Variants in OTOF observed in about 807,000 individuals in gnomAD.
OTOF encodes otoferlin.
OTOF carries 218 observed loss-of-function variants against 236.8 expected under a neutral mutation model. The ratio of observed to expected loss-of-function variants is 0.92; its 90% confidence interval spans 0.82 to 1.03. The LOEUF is 1.03. Ranked by LOEUF, OTOF falls within the 50% of genes least tolerant of loss-of-function variation. OTOF has a pLI of 0.00. For synonymous variants in OTOF, 1,041 were observed against 1,072.5 expected (o/e 0.97, Z 0.57); for missense variants, 2,590 against 2,694.4 (o/e 0.96, Z 0.86).
chr2:26,510,178 A>G (rs1013246129), intron 5 of OTOF, among the ~76,000 whole-genome samples: 1 of 152,096 alleles, frequency 6.6e-6, no homozygotes, highest in Non-Finnish European at 1.5e-5. Flanking sequence ...AGATGAAGAT[A>G]GAGAGGGCCG....
intron 2 of OTOF, among the ~76,000 whole-genome samples, chr2:26,535,458 C>A (rs1246473979): frequency 2.0e-5 from 3 of 152,118 alleles, no homozygotes; most frequent in Non-Finnish European, 4.4e-5. Context: ...CTGAGCATTG[C>A]AAGTCATTCT....
chr2:26,459,082 A>T (rs933269408), intron 46 of OTOF, among the ~76,000 whole-genome samples: 1 of 152,252 alleles, frequency 6.6e-6, no homozygotes, highest in East Asian at 1.9e-4. Context: ...TGTTCAGGCC[A>T]TGGTGGCTAT....
At position 26,467,426 on chromosome 2, in the gene OTOF, G is replaced by C; in HGVS notation, c.4166C>G (p.Ser1389Cys). The C allele has an allele frequency of 6.2e-7, 1 of 1,614,026 alleles. No individual in the cohort carries two copies. The highest frequency in any genetic ancestry group is 8.5e-7 in the Non-Finnish European group (1 of 1,180,012). Residue 1389 changes from serine (S) to cysteine (C), a missense_variant, in exon 34 of 47, where the codon TCT (serine) becomes TGT (cysteine). Around this residue, in one of 2 missense-constraint regions of OTOF, gnomAD observed 1,211 missense variants for 1,352.8 expected, o/e 0.90. Transcript: ENST00000272371. ...GGCCTCGGACCCCTGGCCAGAGCCA[G>C]AGCTCTGAGTTTTCTTCTTCTTCTC... ...KEEKKKKTQS[S>C]GSGQGSEAPE...
intron 11 of OTOF, among the ~76,000 whole-genome samples, chr2:26,487,297 C>G (rs1665724029): frequency 6.6e-6 from 1 of 152,178 alleles, no homozygotes; most frequent in Non-Finnish European, 1.5e-5. Flanking sequence ...AGAGTAAAGA[C>G]ATTGGGTCTC....
intron 1 of OTOF, among the ~76,000 whole-genome samples, chr2:26,554,085 C>T (rs556424671): frequency 1.3e-5 from 2 of 149,384 alleles, no homozygotes; most frequent in Admixed American, 6.8e-5. Context: ...GCAGAAGAAT[C>T]GCTTGAACCC....
At chr2:26,519,174 A>G (rs1666612940) in intron 3 of OTOF, 65 bp from the exon 4 acceptor site, 1 of 1,095,158 alleles carries the variant, frequency 9.1e-7, no homozygotes, top group Admixed American at 2.0e-5. Context: ...CAAGACTGAC[A>G]TCCCAAGGGC....
intron 3 of OTOF, among the ~76,000 whole-genome samples, chr2:26,525,444 A>C (rs1055549548): frequency 3.9e-5 from 6 of 152,288 alleles, no homozygotes; most frequent in African/African-American, 1.4e-4. Flanking sequence ...GCTATCTTTC[A>C]GTTGTCTGCT....
intron 13 of OTOF, among the ~76,000 whole-genome samples, chr2:26,483,033 G>A (rs545180666): frequency 4.0e-5 from 6 of 150,772 alleles, no homozygotes; most frequent in Non-Finnish European, 7.4e-5. Flanking sequence ...GTGCGTGTGT[G>A]AGTGGGTGCA....
At chr2:26,519,647 T>C (rs1261643813) in intron 3 of OTOF, among the ~76,000 whole-genome samples, 1 of 152,172 alleles carries the variant, frequency 6.6e-6, no homozygotes, top group Admixed American at 6.5e-5. Context: ...GGCGGTGCAA[T>C]GCTTTGGTTA....
At chr2:26,538,493 C>T (rs533340826) in intron 1 of OTOF, among the ~76,000 whole-genome samples, 3 of 152,234 alleles carry the variant, frequency 2.0e-5, no homozygotes, top group South Asian at 2.1e-4. Context: ...CCCATCCATA[C>T]GCCACCCACT....
chr2:26,482,798 C>CAT (rs1665583439), intron 13 of OTOF, among the ~76,000 whole-genome samples: 2 of 104,572 alleles, frequency 1.9e-5, no homozygotes, highest in Admixed American at 1.0e-4. Flanking sequence ...TGAGTGGATG[C>CAT]ATGTGTGTGT....
At chr2:26,512,167 G>A (rs1414530169) in intron 5 of OTOF, among the ~76,000 whole-genome samples, 1 of 152,204 alleles carries the variant, frequency 6.6e-6, no homozygotes, top group Admixed American at 6.5e-5. Context: ...AAGGAGGTGG[G>A]GGTCGTGGAG....
chr2:26,548,146 T>G (rs1667377786), intron 1 of OTOF, among the ~76,000 whole-genome samples: 1 of 152,216 alleles, frequency 6.6e-6, no homozygotes, highest in South Asian at 2.1e-4. Context: ...TATTGGTAAT[T>G]TGTGTTTTCT....
In OTOF at chr2:26,457,890, C is replaced by T. The variant is rs112312933; in HGVS notation, c.*348G>A. On this transcript the variant is annotated 3_prime_UTR_variant, in exon 47 of 47. Coordinates refer to ENST00000272371, the MANE Select transcript of OTOF (RefSeq NM_194248.3). This position sits in a 1 kb window ranked among gnomAD's most constrained non-coding sequence, Gnocchi z 4.4. ...CGCAGCCTGGGGCAGTGAGGACAGGCGGCCCCCGCAAGCAGGAGGCAGGCT... is the reference window on the plus strand; with the variant it reads ...CGCAGCCTGGGGCAGTGAGGACAGGTGGCCCCCGCAAGCAGGAGGCAGGCT... The T allele has an allele frequency of 9.0e-6, 7 of 776,144 alleles. No homozygotes were observed. The East Asian group carries it at 9.9e-5, about 11-fold the overall frequency. 48.1% of individuals were successfully genotyped at this position (776,144 alleles called of 1,614,324 possible). A position where few individuals can be genotyped will look rare whatever the true frequency, so the allele number is the denominator to read the frequency against.
At chr2:26,525,243 C>T (rs920812355) in intron 3 of OTOF, among the ~76,000 whole-genome samples, 7 of 152,160 alleles carry the variant, frequency 4.6e-5, no homozygotes, top group African/African-American at 1.2e-4. Context: ...AATGCCCTTG[C>T]CCCATACTCA....
At position 26,470,325 on chromosome 2, in the gene OTOF, G is replaced by T. The variant is rs1664915177; in HGVS notation, c.4023+268C>A. Among the ~76,000 whole-genome samples, 1 of 152,148 alleles carries T rather than the reference G, an allele frequency of 6.6e-6. No individual in the cohort carries two copies. Among genetic ancestry groups the T allele is most frequent in the African/African-American group, 2.4e-5 (1 of 41,440 alleles). On this transcript the variant is annotated intron_variant, in intron 32 of 46. Transcript: ENST00000272371. This position sits in a 1 kb window ranked among gnomAD's most constrained non-coding sequence, Gnocchi z 4.3. The stretch of plus-strand genomic sequence containing the variant: ...CATCTTTTGGCTCCCATAGCACCTA[G>T]TATGGAGCCTGGCTCATCGCATATA...
chr2:26,515,402 TTG>T (rs34418795), intron 5 of OTOF, among the ~76,000 whole-genome samples: 2 of 151,672 alleles, frequency 1.3e-5, no homozygotes, highest in African/African-American at 2.4e-5. Flanking sequence ...TTTCTGAAGC[TTG>T]TGTGTGTGTG....
rs775472304 is a variant in OTOF, at chr2:26,463,495, C to T, written c.5180G>A (p.Arg1727Gln). 1.3e-5 allele frequency: 21 copies of T among 1,604,508 alleles called. No homozygotes were observed. Among genetic ancestry groups the T allele is most frequent in the South Asian group, 5.6e-5 (5 of 88,830 alleles). ...CCAGGCCGCTCACTTCTTGGGCTTC[C>T]GAGGTGAGATGTCCAGAGGCGTCCC... ...APGTPLDISP[R>Q]KPKKYELRVI... is the part of the protein sequence containing the mutation. Residue 1727 changes from arginine to glutamine, a missense_variant, in exon 41 of 47, where the codon CGG (arginine) becomes CAG (glutamine). This residue lies in a region of OTOF where 1,211 missense variants were observed against 1,352.8 expected (regional missense o/e 0.90). Transcript: ENST00000272371.
intron 3 of OTOF, among the ~76,000 whole-genome samples, chr2:26,522,341 C>T (rs1165049333): frequency 6.6e-6 from 1 of 152,144 alleles, no homozygotes; most frequent in Non-Finnish European, 1.5e-5. Context: ...AGCAAAAACA[C>T]AGTGCTTGCC....
Sources: gnomAD v4.1 joint callset for allele counts (sites outside exome capture counted in the v4.1 genomes callset) on GRCh38, gnomAD v4.1.1 for gene constraint, gnomAD v4.1.1 regional missense constraint, Gnocchi (gnomAD v3.1) non-coding constraint, MANE v1.5 for transcripts, NCBI Gene and HGNC (gene_info 2026-07-23, HGNC 2026-07-21) for gene names.